ZBTB7A: variants seen among roughly 807,000 people sequenced by gnomAD.
ZBTB7A encodes the protein zinc finger and BTB domain-containing protein 7A.
A neutral mutation model predicts 26.7 loss-of-function variants in ZBTB7A; 7 were observed. The ratio of observed to expected loss-of-function variants is 0.26; its 90% CI spans 0.15 to 0.49. The LOEUF is 0.49. Among genes scored for constraint, ZBTB7A ranks in the 20% least tolerant of loss-of-function variants. The pLI is 0.98. For synonymous variants in ZBTB7A, 452 were observed against 441.0 expected, an observed-to-expected ratio of 1.02 and a Z score of -0.31; for missense variants, 617 against 919.5, an observed-to-expected ratio of 0.67 and a Z score of 4.25.
chr19:4,059,382 G>C (rs530313466), intron 1 of ZBTB7A, among the ~76,000 whole-genome samples: 1 of 152,234 alleles, frequency 6.6e-6, no homozygotes, highest in African/African-American at 2.4e-5. Flanking sequence ...GGTTGGGTCC[G>C]GGGGTCCCAG....
rs749027538 is a variant in ZBTB7A at position 4,047,867 on chromosome 19, ACGTCCT to A, written c.1634_1639del (p.Glu545_Asp546del). The A allele has an allele frequency of 2.0e-4, 319 of 1,604,228 alleles. No individual in the cohort carries two copies. The highest frequency in any genetic ancestry group is 3.3e-4 in the Middle Eastern group (2 of 6,022). ...CCGGCCCAAGCCGTCGGGGCTGGCC[ACGTCCT>A]CGTCCTCGTCCTCGTCCTTAAAGTG... On this transcript the variant is annotated inframe_deletion, in exon 3 of 3. Transcript: ENST00000322357.
intron 1 of ZBTB7A, 94 bp from the exon 2 acceptor site, chr19:4,055,341 TTCCACCCTGC>T: frequency 7.1e-7 from 1 of 1,413,744 alleles, no homozygotes; most frequent in Non-Finnish European, 9.2e-7. Context: ...AGAAGCAGCG[TTCCACCCTGC>T]TCCCCCAGCC....
intron 1 of ZBTB7A, among the ~76,000 whole-genome samples, chr19:4,058,717 G>A (rs1167576128): frequency 1.3e-5 from 2 of 152,210 alleles, no homozygotes; most frequent in Non-Finnish European, 2.9e-5. Flanking sequence ...GGCAGGCTCT[G>A]ACGCCGACGG....
At chr19:4,055,330 G>T in intron 1 of ZBTB7A, 83 bp from the exon 2 acceptor site, 7 of 1,418,782 alleles carry the variant, frequency 4.9e-6, no homozygotes, top group Non-Finnish European at 6.4e-6. Flanking sequence ...CGAGGCCCTT[G>T]AGAAGCAGCG....
At position 4,047,685 on chromosome 19, in the gene ZBTB7A, G is replaced by A. The variant is rs965871309; in HGVS notation, c.*67C>T. On this transcript the variant is annotated 3_prime_UTR_variant, in exon 3 of 3. Transcript: ENST00000322357. Reference sequence around the variant, plus strand: ...CTTTTTTTGTGTTTTTGGGGGGGTGGTGGGTGATTTTTTTTCTCTCTCTCT... The same window carrying A: ...CTTTTTTTGTGTTTTTGGGGGGGTGATGGGTGATTTTTTTTCTCTCTCTCT... 3 of 1,532,016 alleles carry A rather than the reference G, an allele frequency of 2.0e-6. No homozygotes were observed. Among genetic ancestry groups the A allele is most frequent in the Non-Finnish European group, 2.6e-6 (3 of 1,142,792 alleles). The allele number at this position is 1,532,016 out of a possible 1,614,324, so 94.9% of individuals were successfully genotyped here. A position where few individuals can be genotyped will look rare whatever the true frequency, so the allele number is the denominator to read the frequency against.
rs1316274936 is a variant in ZBTB7A at position 4,048,926 on chromosome 19, C to CCAGATCA, written c.1263-689_1263-683dup. Among the ~76,000 whole-genome samples, 12 of 150,080 alleles carry CCAGATCA rather than the reference C, an allele frequency of 8.0e-5. No individual in the cohort carries two copies. The highest frequency in any genetic ancestry group is 2.9e-4 in the African/African-American group (12 of 40,988). ...TTGGGAGGTGGAGGTTGCAGTGAGC[C>CCAGATCA]CAGATCACGCCACTGCCCTCCAACC... On this transcript the variant is annotated intron_variant, in intron 2 of 2. Coordinates refer to ENST00000322357, the MANE Select transcript of ZBTB7A (RefSeq NM_015898.4). This position sits in a 1 kb window ranked among gnomAD's most constrained non-coding sequence, Gnocchi z 6.7.
chr19:4,057,800 A>C (rs1441244521), intron 1 of ZBTB7A, among the ~76,000 whole-genome samples: 5 of 147,590 alleles, frequency 3.4e-5, no homozygotes, highest in Admixed American at 2.0e-4. Flanking sequence ...AAAAAAAAAC[A>C]ATAACAACAA....
intron 1 of ZBTB7A, among the ~76,000 whole-genome samples, chr19:4,059,587 C>T (rs1568236958): frequency 1.3e-5 from 2 of 152,158 alleles, no homozygotes; most frequent in Admixed American, 6.5e-5. Context: ...TAAGGATGCC[C>T]GGCAGGGCTG....
intron 1 of ZBTB7A, among the ~76,000 whole-genome samples, chr19:4,066,191 C>A (rs1263877790): frequency 9.9e-6 from 1 of 101,016 alleles, no homozygotes; most frequent in Non-Finnish European, 1.9e-5. Flanking sequence ...CCTGTTTTTT[C>A]AGCCCCCTCC....
At chr19:4,065,742 C>G (rs1185777407) in intron 1 of ZBTB7A, 3 of 140,832 alleles carry the variant, frequency 2.1e-5, no homozygotes, top group African/African-American at 7.6e-5. Flanking sequence ...AGGGTGACCC[C>G]CCCCCCACGG....
Position 4,044,019 on chromosome 19 carries a change from C to T in ZBTB7A, c.*3733G>A, listed in dbSNP as rs1250053196. Among the ~76,000 whole-genome samples, 1 of 151,776 alleles carries T rather than the reference C, an allele frequency of 6.6e-6. No individual in the cohort carries two copies. Among genetic ancestry groups the T allele is most frequent in the Non-Finnish European group, 1.5e-5 (1 of 67,942 alleles). ...TCATTCTCTCTGTCTTGCCTCCAAC[C>T]ATTCTGGTTGCCGGGCGGGAGGGGG... is the stretch of plus-strand genomic sequence containing the variant. On this transcript the variant is annotated 3_prime_UTR_variant, in exon 3 of 3. Transcript: ENST00000322357.
intron 2 of ZBTB7A, among the ~76,000 whole-genome samples, chr19:4,051,168 TA>T (rs1424446507): frequency 2.1e-5 from 3 of 142,980 alleles, no homozygotes; most frequent in Non-Finnish European, 4.5e-5. Flanking sequence ...CAATCTATAG[TA>T]ATAAAGTGTA....
chr19:4,055,964 C>T (rs552975536), intron 1 of ZBTB7A, among the ~76,000 whole-genome samples: 18 of 152,260 alleles, frequency 1.2e-4, no homozygotes, highest in African/African-American at 3.9e-4. Context: ...CCAGATGTCC[C>T]GGCTCCCCAG....
intron 1 of ZBTB7A, among the ~76,000 whole-genome samples, chr19:4,060,126 G>T (rs574914518): frequency 7.3e-5 from 11 of 150,206 alleles, no homozygotes; most frequent in African/African-American, 1.5e-4. Flanking sequence ...GTGCTGACTC[G>T]GCGGCCGAGG....
At chr19:4,050,171 C>A (rs977782922) in intron 2 of ZBTB7A, among the ~76,000 whole-genome samples, 1 of 151,424 alleles carries the variant, frequency 6.6e-6, no homozygotes, top group Non-Finnish European at 1.5e-5. Context: ...GTGATCCACC[C>A]GCCTCGGCCT....
At position 4,048,092 on chromosome 19, in the gene ZBTB7A, C is replaced by T; in HGVS notation, c.1415G>A (p.Cys472Tyr). The change falls in exon 3 of 3, where the codon TGC becomes TAC. Residue 472 changes from cysteine (C) to tyrosine (Y), a missense_variant. Physicochemically the swap from Cys to Tyr is radical, Grantham distance 194. Around this residue, in one of 5 missense-constraint regions of ZBTB7A, gnomAD observed 41 missense variants for 167.6 expected, o/e 0.24. Transcript: ENST00000322357. This position sits in a 1 kb window ranked among gnomAD's most constrained non-coding sequence, Gnocchi z 6.7. Reference protein sequence around the residue: ...GLRPYQCDSCCKTFVRSDHLH... With the variant: ...GLRPYQCDSCYKTFVRSDHLH... ...GTGGTCGGAGCGGACGAAGGTCTTG[C>T]AGCAGCTGTCGCACTGGTAGGGGCG... 3 of 1,609,732 alleles carry T rather than the reference C, an allele frequency of 1.9e-6. No individual in the cohort carries two copies. Among genetic ancestry groups the T allele is most frequent in the Non-Finnish European group, 2.5e-6 (3 of 1,178,624 alleles).
intron 2 of ZBTB7A, among the ~76,000 whole-genome samples, chr19:4,053,467 G>A (rs2040526089): frequency 6.6e-6 from 1 of 151,826 alleles, no homozygotes; most frequent in South Asian, 2.1e-4. Flanking sequence ...CTGCATGCAT[G>A]TCTGGGGGTG....
rs994509194 is a variant in ZBTB7A, at chr19:4,054,267, C to T, written c.966G>A (p.Gln322=). 8 of 1,569,370 alleles carry T rather than the reference C, an allele frequency of 5.1e-6. No homozygotes were observed. Among genetic ancestry groups the T allele is most frequent in the Non-Finnish European group, 1.7e-6 (2 of 1,164,846 alleles). The change falls in exon 2 of 3, where the codon CAG becomes CAA. Residue 322 remains glutamine, a synonymous_variant. Coordinates refer to ENST00000322357, the MANE Select transcript of ZBTB7A (RefSeq NM_015898.4). ...DGLAASTLLQ[Q]MMSSVGRAGA... ...CCGCCCGGCCCACCGATGACATCAT[C>T]TGCTGCAGCAGCGTGCTGGCCGCCA...
chr19:4,058,130 C>T (rs866972917), intron 1 of ZBTB7A, among the ~76,000 whole-genome samples: 8 of 152,202 alleles, frequency 5.3e-5, no homozygotes, highest in African/African-American at 1.7e-4. Context: ...CCAGTGACTC[C>T]GCAGGCTAAA....
Sources: allele counts gnomAD v4.1 joint callset (sites outside exome capture counted in the v4.1 genomes callset), GRCh38; gene constraint gnomAD v4.1.1; regional missense constraint gnomAD v4.1.1; non-coding constraint Gnocchi (gnomAD v3.1); transcripts MANE v1.5; gene names NCBI Gene and HGNC (gene_info 2026-07-23, HGNC 2026-07-21).